LRP1B: variants seen among roughly 807,000 people sequenced by gnomAD.
LRP1B encodes low-density lipoprotein receptor-related protein 1B.
Under a neutral mutation model 556.6 loss-of-function variants are expected in LRP1B, and 217 were observed. The observed-to-expected ratio is 0.39, with a 90% confidence interval of 0.35 to 0.44. LRP1B has a LOEUF of 0.44. LRP1B is among the 20% of genes least tolerant of loss of function. LRP1B has a pLI of 1.00. For synonymous variants in LRP1B, 2,047 were observed against 1,865.8 expected (o/e 1.10, Z -2.50); for missense variants, 5,053 against 5,620.8 (o/e 0.90, Z 3.23).
At chr2:140,306,354 A>T (rs1684067148) in intron 83 of LRP1B, among the ~76,000 whole-genome samples, 2 of 151,894 alleles carry the variant, frequency 1.3e-5, no homozygotes, top group African/African-American at 4.8e-5. Flanking sequence ...CTATTCAGGG[A>T]TTCAACTTCT....
intron 79 of LRP1B, among the ~76,000 whole-genome samples, chr2:140,330,199 C>CAATAATAATAATAATAATAATAAT (rs70985089): frequency 7.2e-6 from 1 of 137,978 alleles, no homozygotes; most frequent in African/African-American, 2.7e-5. Flanking sequence ...GACTCTGTCT[C>CAATAATAATAATAATAATAATAAT]AATAATAATA....
intron 77 of LRP1B, among the ~76,000 whole-genome samples, chr2:140,345,749 C>CATATAT (rs1681624206): frequency 1.6e-5 from 2 of 128,286 alleles, no homozygotes; most frequent in African/African-American, 5.7e-5. Flanking sequence ...CATATATATA[C>CATATAT]ACATATATAC....
At chr2:140,409,672 A>G (rs1684889709) in intron 66 of LRP1B, among the ~76,000 whole-genome samples, 1 of 151,880 alleles carries the variant, frequency 6.6e-6, no homozygotes, top group South Asian at 2.1e-4. Flanking sequence ...TGCCAGATTC[A>G]TGTAATCTTC....
At chr2:140,465,404 T>C (rs939019473) in intron 60 of LRP1B, among the ~76,000 whole-genome samples, 2 of 152,188 alleles carry the variant, frequency 1.3e-5, no homozygotes, top group African/African-American at 2.4e-5. Flanking sequence ...AGAGAATTGA[T>C]AGAACAGTCC....
chr2:140,545,203 T>C (rs567808427), intron 43 of LRP1B, among the ~76,000 whole-genome samples: 6 of 151,928 alleles, frequency 3.9e-5, no homozygotes, highest in African/African-American at 1.4e-4. Context: ...GTCGGACTCA[T>C]AGTTTGCAAA....
intron 43 of LRP1B, among the ~76,000 whole-genome samples, chr2:140,571,207 G>A (rs866607004): frequency 9.9e-5 from 15 of 151,744 alleles, no homozygotes; most frequent in East Asian, 3.9e-4. Context: ...AATTGGAAAC[G>A]GGAATGTCAG....
At chr2:140,261,057 G>GTGTA (rs1553483661) in intron 86 of LRP1B, among the ~76,000 whole-genome samples, 8 of 149,494 alleles carry the variant, frequency 5.4e-5, no homozygotes, top group Non-Finnish European at 7.4e-5. Context: ...ATATGTGTGT[G>GTGTA]TATATATATA....
chr2:141,010,507 G>A (rs1458603409), intron 14 of LRP1B, among the ~76,000 whole-genome samples: 9 of 151,706 alleles, frequency 5.9e-5, no homozygotes, highest in Non-Finnish European at 1.5e-5. Flanking sequence ...TATATTCCAA[G>A]TAATTTGACA....
intron 41 of LRP1B, among the ~76,000 whole-genome samples, chr2:140,626,566 C>T (rs1683667407): frequency 6.6e-6 from 1 of 151,556 alleles, no homozygotes; most frequent in South Asian, 2.1e-4. Flanking sequence ...AAAATACAAA[C>T]ATCAAACAAT....
rs544793196 is a variant in LRP1B at position 141,893,364 on chromosome 2, C to T, written c.83-82963G>A. 1.1e-4 allele frequency among the ~76,000 whole-genome samples: 16 copies of T among 152,182 alleles called. No homozygotes were observed. In the East Asian group the frequency reaches 2.7e-3, roughly 26 times the overall value. Reference sequence around the variant, plus strand: ...TACAGGCGTGTGCCACCGCACCTGGCTAATTTTTGTATTTTTAGTAGAGCC... The same window carrying T: ...TACAGGCGTGTGCCACCGCACCTGGTTAATTTTTGTATTTTTAGTAGAGCC... On this transcript the variant is annotated intron_variant, in intron 1 of 90. Coordinates refer to ENST00000389484, the MANE Select transcript of LRP1B (RefSeq NM_018557.3).
chr2:140,511,365 G>C (rs1396051021), intron 51 of LRP1B, among the ~76,000 whole-genome samples: 1 of 141,712 alleles, frequency 7.1e-6, no homozygotes, highest in Admixed American at 7.6e-5. Flanking sequence ...GCGGTGGCGC[G>C]GTCTCGGCTC....
At chr2:140,347,101 G>A (rs1681724409) in intron 77 of LRP1B, among the ~76,000 whole-genome samples, 1 of 151,580 alleles carries the variant, frequency 6.6e-6, no homozygotes, top group African/African-American at 2.4e-5. Flanking sequence ...CTACTTTATA[G>A]TGCTTCCCCT....
intron 1 of LRP1B, among the ~76,000 whole-genome samples, chr2:141,902,521 C>G (rs2104936325): frequency 6.6e-6 from 1 of 152,046 alleles, no homozygotes; most frequent in Non-Finnish European, 1.5e-5. Context: ...TTCAAGTGGT[C>G]ACAGAGAAGA....
intron 2 of LRP1B, among the ~76,000 whole-genome samples, chr2:141,556,369 T>G (rs949544947): frequency 6.6e-6 from 1 of 151,932 alleles, no homozygotes; most frequent in Non-Finnish European, 1.5e-5. Flanking sequence ...CAGGCAGAAT[T>G]TAGAAACAGA....
At chr2:141,809,647 A>G (rs1020934276) in intron 2 of LRP1B, among the ~76,000 whole-genome samples, 1 of 152,102 alleles carries the variant, frequency 6.6e-6, no homozygotes, top group Non-Finnish European at 1.5e-5. Context: ...AAGTTATAGT[A>G]GTACAACTAT....
chr2:141,467,112 A>ATATATATATATATG (rs1682251352), intron 3 of LRP1B, among the ~76,000 whole-genome samples: 14 of 2,328 alleles, frequency 6.0e-3, no homozygotes, highest in Middle Eastern at 0.12. Context: ...GTATATATAT[A>ATATATATATATATG]TATATATATA....
chr2:142,097,725 A>G (rs1198468541), intron 1 of LRP1B, among the ~76,000 whole-genome samples: 1 of 151,716 alleles, frequency 6.6e-6, no homozygotes, highest in Non-Finnish European at 1.5e-5. Flanking sequence ...TGTAATTGCC[A>G]TCAAACTAAG....
At chr2:141,964,297 A>C (rs1158761161) in intron 1 of LRP1B, among the ~76,000 whole-genome samples, 8 of 149,998 alleles carry the variant, frequency 5.3e-5, no homozygotes, top group Non-Finnish European at 1.0e-4. Context: ...GTCAATCCTA[A>C]GCCAAAAGAA....
At chr2:141,024,554 T>G (rs1320450997) in intron 11 of LRP1B, among the ~76,000 whole-genome samples, 1 of 151,954 alleles carries the variant, frequency 6.6e-6, no homozygotes, top group Non-Finnish European at 1.5e-5. Flanking sequence ...CATGGACAAG[T>G]AAAGATAGTG....
Sources: gnomAD v4.1 joint callset for allele counts (sites outside exome capture counted in the v4.1 genomes callset) on GRCh38, gnomAD v4.1.1 for gene constraint, MANE v1.5 for transcripts, NCBI Gene and HGNC (gene_info 2026-07-23, HGNC 2026-07-21) for gene names.